RNASEH1: variants seen among roughly 807,000 people sequenced by gnomAD.
RNASEH1 encodes ribonuclease H type II.
A neutral mutation model predicts 34.6 loss-of-function variants in RNASEH1; 27 were observed. The observed-to-expected ratio is 0.78, with a 90% CI of 0.58 to 1.08. The LOEUF is 1.08. Ranked by LOEUF, RNASEH1 falls within the 50% of genes least tolerant of loss-of-function variation. The probability of loss-of-function intolerance (pLI) is 0.00; values close to 1 mark genes in which losing one functional copy is unlikely to be tolerated. For missense variants in RNASEH1, 349 were observed against 373.6 expected (o/e 0.93, Z 0.54); for synonymous variants, 162 against 138.4 (o/e 1.17, Z -1.20).
chr2:3,544,482 C>T lies in RNASEH1; in HGVS notation c.*1303G>A, dbSNP rs1668561651. ...AGATAAAAAAATAAACAAAAAAAAGCAGACAAGACTAAACTGCCATCAAAA... is the reference window on the plus strand; with the variant it reads ...AGATAAAAAAATAAACAAAAAAAAGTAGACAAGACTAAACTGCCATCAAAA... On this transcript the variant is annotated 3_prime_UTR_variant, in exon 8 of 8. Coordinates refer to ENST00000315212, the MANE Select transcript of RNASEH1 (RefSeq NM_002936.6). 6.6e-6 allele frequency among the ~76,000 whole-genome samples: 1 copy of T among 152,074 alleles called. No homozygotes were observed. Among genetic ancestry groups the T allele is most frequent in the Non-Finnish European group, 1.5e-5 (1 of 67,998 alleles).
At chr2:3,554,788 G>C (rs1280101224) in intron 2 of RNASEH1, among the ~76,000 whole-genome samples, 2 of 152,162 alleles carry the variant, frequency 1.3e-5, no homozygotes, top group African/African-American at 4.8e-5. Flanking sequence ...TTAAGAAAAG[G>C]AAGTATCAGG....
At chr2:3,547,875 A>C in intron 7 of RNASEH1, 56 bp downstream of exon 7, 1 of 1,555,734 alleles carries the variant, frequency 6.4e-7, no homozygotes, top group Non-Finnish European at 8.9e-7. Flanking sequence ...AATCTCTAGT[A>C]AACTTAGCTT....
chr2:3,554,563 C>G (rs1660303629), intron 2 of RNASEH1, among the ~76,000 whole-genome samples: 1 of 152,176 alleles, frequency 6.6e-6, no homozygotes, highest in African/African-American at 2.4e-5. Flanking sequence ...AGATCTGAAT[C>G]ATTAAAGGCA....
intron 3 of RNASEH1, among the ~76,000 whole-genome samples, chr2:3,551,635 T>A (rs1010338773): frequency 6.6e-6 from 1 of 152,368 alleles, no homozygotes; most frequent in Middle Eastern, 3.4e-3. Context: ...TCTGCTCATA[T>A]GTGTAAAAGA....
chr2:3,557,500 T>C (rs546708687), intron 1 of RNASEH1, among the ~76,000 whole-genome samples: 135 of 152,366 alleles, frequency 8.9e-4, no homozygotes, highest in Admixed American at 2.0e-4. Context: ...TCCTCAATAC[T>C]GTAGCTGCCG....
Position 3,548,203 on chromosome 2 carries a change from GC to G in RNASEH1, c.650-149del, listed in dbSNP as rs912430768. The G allele has an allele frequency of 2.3e-4, 213 of 913,050 alleles. No homozygotes were observed. In the African/African-American group the frequency reaches 3.3e-3, roughly 14 times the overall value. The allele number at this position is 913,050 out of a possible 1,614,324, so 56.6% of individuals were successfully genotyped here. On this transcript the variant is annotated intron_variant, in intron 6 of 7. Transcript: ENST00000315212. ...TCCTTAGCTGGCCTTAGTTGCTTTG[GC>G]CTTTGGCACAGCCTGAAATACCCTC...
the RNASEH1 span, chr2:3,533,556 G>GTTTATGGGGAGAGATACA: frequency 7.9e-5 from 12 of 152,346 alleles, no homozygotes; most frequent in African/African-American, 2.4e-4. Flanking sequence ...GAGTTGCAAT[G>GTTTATGGGGAGAGATACA]TTTATGGGGA....
chr2:3,552,127 A>T lies in RNASEH1; in HGVS notation c.409+17T>A. ...CTGACTGTGGTATTAAAATCTGAAA[A>T]CCCAAGGAAGATGTACCCATGTAGG... is the stretch of plus-strand genomic sequence containing the variant. On this transcript the variant is annotated intron_variant, in intron 3 of 7. Transcript: ENST00000315212. The T allele has an allele frequency of 1.9e-6, 3 of 1,591,792 alleles. No homozygotes were observed. Among genetic ancestry groups the T allele is most frequent in the Non-Finnish European group, 2.6e-6 (3 of 1,171,592 alleles).
At chr2:3,557,055 T>G (rs1660577428) in intron 1 of RNASEH1, 151 bp from the exon 2 acceptor site, 1 of 620,886 alleles carries the variant, frequency 1.6e-6, no homozygotes, top group Admixed American at 2.8e-5. Context: ...GATACCAACA[T>G]CAGAGGATGC....
chr2:3,541,779 C>T lies in RNASEH1; in HGVS notation c.*4006G>A, dbSNP rs1668326692. On this transcript the variant is annotated 3_prime_UTR_variant, in exon 8 of 8. Transcript: ENST00000315212. ...GGTGATGGACATGTTCTGGCGACAG[C>T]TTCACAGGCAAATGCATCGGTCACT... Among the ~76,000 whole-genome samples the T allele has an allele frequency of 6.6e-6, 1 of 152,192 alleles. No homozygotes were observed. Among genetic ancestry groups the T allele is most frequent in the African/African-American group, 2.4e-5 (1 of 41,446 alleles).
rs115000030 is a variant in RNASEH1, at chr2:3,541,603, C to G, written c.*4182G>C. 6.6e-6 allele frequency among the ~76,000 whole-genome samples: 1 copy of G among 152,256 alleles called. No individual in the cohort carries two copies. The highest frequency in any genetic ancestry group is 1.9e-4 in the East Asian group (1 of 5,182). ...AAAATAATTATGCTGAGTAGAAGCA[C>G]CTCCCCCCACAGTACTTGCTCTGCG... On this transcript the variant is annotated 3_prime_UTR_variant, in exon 8 of 8. Coordinates refer to ENST00000315212, the MANE Select transcript of RNASEH1 (RefSeq NM_002936.6).
chr2:3,552,197 T>C lies in RNASEH1; in HGVS notation c.356A>G (p.Lys119Arg). ...ESAEPYAKHMKPSVEPAPPVS... is the reference protein window; with the variant it reads ...ESAEPYAKHMRPSVEPAPPVS... ...TGGAGGCGCCGGCTCCACGCTCGGC[T>C]TCATGTGCTTTGCATACGGCTCTGC... is the stretch of plus-strand genomic sequence containing the variant. Residue 119 changes from lysine (K) to arginine (R), a missense_variant, in exon 3 of 8, where the codon AAG (lysine) becomes AGG (arginine). Around this residue, in one of 2 missense-constraint regions of RNASEH1, gnomAD observed 256 missense variants for 240.7 expected, o/e 1.06. Coordinates refer to ENST00000315212, the MANE Select transcript of RNASEH1 (RefSeq NM_002936.6). 6.2e-7 allele frequency: 1 copy of C among 1,612,906 alleles called. No homozygotes were observed. Among genetic ancestry groups the C allele is most frequent in the African/African-American group, 1.3e-5 (1 of 74,974 alleles).
the RNASEH1 span, chr2:3,533,724 G>A: frequency 6.6e-6 from 1 of 152,454 alleles, no homozygotes; most frequent in African/African-American, 2.4e-5. Flanking sequence ...CCAAAGAAAT[G>A]GAAAGCAGGG....
downstream of RNASEH1, among the ~76,000 whole-genome samples, chr2:3,539,447 T>C (rs769309426): frequency 1.3e-5 from 2 of 152,212 alleles, no homozygotes; most frequent in Non-Finnish European, 2.9e-5. Context: ...CAAATACTTA[T>C]GTCAACACAA....
Position 3,558,326 on chromosome 2 carries a change from T to C in RNASEH1, c.-66A>G, listed in dbSNP as rs912660030. ...CAGCGTGGGCGCGAGCCGCCGGCGC[T>C]CAACACCGCACTTCCGTCACCGGCG... On this transcript the variant is annotated 5_prime_UTR_variant, in exon 1 of 8. Transcript: ENST00000315212. The C allele has an allele frequency of 1.4e-6, 2 of 1,458,058 alleles. No individual in the cohort carries two copies. The highest frequency in any genetic ancestry group is 1.4e-5 in the South Asian group (1 of 71,216). The allele number at this position is 1,458,058 out of a possible 1,614,324, so 90.3% of individuals were successfully genotyped here.
At chr2:3,549,244 A>G (rs907835950) in intron 4 of RNASEH1, 132 bp from the exon 5 acceptor site, 8 of 785,532 alleles carry the variant, frequency 1.0e-5, no homozygotes, top group Non-Finnish European at 1.7e-5. Flanking sequence ...AATCAAACTA[A>G]CAGACTCCCA....
At position 3,550,262 on chromosome 2, in the gene RNASEH1, G is replaced by C. The variant is rs1669164442; in HGVS notation, c.509+111C>G. On this transcript the variant is annotated intron_variant, in intron 4 of 7. Transcript: ENST00000315212. The stretch of plus-strand genomic sequence containing the variant: ...AGCTGCTCCTCTGCCACCCCTGCCA[G>C]AGCTACTTATCTGCAGGTTTTCCCA... 7.8e-6 allele frequency: 7 copies of C among 899,424 alleles called. No individual in the cohort carries two copies. In the East Asian group the frequency reaches 1.7e-4, roughly 22 times the overall value. The allele number at this position is 899,424 out of a possible 1,614,324, so 55.7% of individuals were successfully genotyped here.
intron 3 of RNASEH1, 142 bp downstream of exon 3, chr2:3,552,002 G>T: frequency 1.5e-6 from 1 of 657,962 alleles, no homozygotes; most frequent in Non-Finnish European, 2.5e-6. Flanking sequence ...AATGGCCTTA[G>T]TGATTTCTAA....
chr2:3,551,604 T>A (rs1659915356), intron 3 of RNASEH1, among the ~76,000 whole-genome samples: 3 of 152,262 alleles, frequency 2.0e-5, no homozygotes, highest in African/African-American at 7.2e-5. Flanking sequence ...GATTTATATT[T>A]TTTAATGCTT....
Sources: allele counts gnomAD v4.1 joint callset (sites outside exome capture counted in the v4.1 genomes callset), GRCh38; gene constraint gnomAD v4.1.1; regional missense constraint gnomAD v4.1.1; transcripts MANE v1.5; gene names NCBI Gene and HGNC (gene_info 2026-07-23, HGNC 2026-07-21).